The following QKI variants were observed in gnomAD, a reference collection of about 807,000 sequenced individuals.
QKI encodes QKI, KH domain containing RNA binding.
In QKI, 10 loss-of-function variants were observed where a neutral mutation model predicts 39.0. That is an observed-to-expected ratio of 0.26 (90% CI 0.16 to 0.43). The LOEUF (loss-of-function observed/expected upper bound fraction) is 0.43, where lower values mean the gene tolerates loss of function less well. Ranked by LOEUF, QKI falls within the 20% of genes least tolerant of loss-of-function variation. The pLI is 1.00. For missense variants in QKI, 218 were observed against 428.0 expected (o/e 0.51, Z 4.33); for synonymous variants, 204 against 155.4 (o/e 1.31, Z -2.33).
intron 3 of QKI, among the ~76,000 whole-genome samples, chr6:163,532,470 A>G (rs754209197): frequency 1.4e-4 from 21 of 152,274 alleles, no homozygotes; most frequent in Non-Finnish European, 2.6e-4. Context: ...TTATATTCCT[A>G]TAAATATCTT....
chr6:163,488,893 C>T (rs1777858186), intron 3 of QKI, among the ~76,000 whole-genome samples: 2 of 151,842 alleles, frequency 1.3e-5, no homozygotes, highest in Middle Eastern at 6.8e-3. Context: ...GCTTTCATCT[C>T]AGGCCCATTT....
At chr6:163,537,334 A>G (rs187873760) in intron 4 of QKI, among the ~76,000 whole-genome samples, 1 of 152,354 alleles carries the variant, frequency 6.6e-6, no homozygotes, top group East Asian at 1.9e-4. Flanking sequence ...TTTCTATACA[A>G]ATGCTGATGA....
chr6:163,450,794 T>A (rs1379143341), intron 1 of QKI, among the ~76,000 whole-genome samples: 1 of 152,116 alleles, frequency 6.6e-6, no homozygotes, highest in Non-Finnish European at 1.5e-5. Context: ...CTAAATGCTG[T>A]AAAGGCAAAT....
chr6:163,538,968 C>T (rs1041291372), intron 4 of QKI, among the ~76,000 whole-genome samples: 1 of 152,090 alleles, frequency 6.6e-6, no homozygotes, highest in Non-Finnish European at 1.5e-5. Context: ...GTTGAATGGG[C>T]ATTTGGTTAT....
At chr6:163,564,840 T>C (rs1257869226) in intron 6 of QKI, 6 of 1,542,304 alleles carry the variant, frequency 3.9e-6, no homozygotes, top group Non-Finnish European at 5.2e-6. Flanking sequence ...GAATTGTATA[T>C]GACCTTGGTG....
In QKI at chr6:163,571,316, A is replaced by AAG. The variant is rs1783687098; in HGVS notation, c.*608_*609dup. 3.9e-5 allele frequency: 6 copies of AAG among 152,202 alleles called. No homozygotes were observed. The South Asian group carries it at 1.2e-3, about 32-fold the overall frequency. 9.4% of individuals were successfully genotyped at this position (152,202 alleles called of 1,614,324 possible). A position where few individuals can be genotyped will look rare whatever the true frequency, so the allele number is the denominator to read the frequency against. The stretch of plus-strand genomic sequence containing the variant: ...TGCCTGCCAAAATTTGAAGTATTAG[A>AAG]AGAAAGTGTGCCATGAGAGAAAAAC... On this transcript the variant is annotated 3_prime_UTR_variant, in exon 8 of 8. Coordinates refer to ENST00000361752, the MANE Select transcript of QKI (RefSeq NM_006775.3).
rs532354513 is a variant in QKI, at chr6:163,482,806, G to GT, written c.402+3917dup. 2.4e-3 allele frequency among the ~76,000 whole-genome samples: 368 copies of GT among 152,256 alleles called. 7 individuals carry two copies. The highest frequency in any genetic ancestry group is 9.0e-4 in the Non-Finnish European group (61 of 68,018). On this transcript the variant is annotated intron_variant, in intron 3 of 7. Transcript: ENST00000361752. The stretch of plus-strand genomic sequence containing the variant: ...GAATCTCTCCAAACCCCGTCCTTCT[G>GT]TTTTTTTGTGGAGGTTTCATTATGT...
At chr6:163,423,604 AAACC>A (rs1387582377) in intron 1 of QKI, 1 of 152,230 alleles carries the variant, frequency 6.6e-6, no homozygotes, top group African/African-American at 2.4e-5. Context: ...TAAAGAAGAC[AAACC>A]AAATGATTTT....
intron 3 of QKI, 59 bp downstream of exon 3, chr6:163,478,955 G>T: frequency 2.2e-6 from 3 of 1,344,776 alleles, no homozygotes; most frequent in South Asian, 1.3e-5. Context: ...CTTTTACATC[G>T]TAATAATAAA....
chr6:163,497,201 A>ACCTT (rs1778462937), intron 3 of QKI, among the ~76,000 whole-genome samples: 1 of 152,012 alleles, frequency 6.6e-6, no homozygotes, highest in Non-Finnish European at 1.5e-5. Flanking sequence ...TAAGGCCTTT[A>ACCTT]CCTTGTTCAG....
In QKI at chr6:163,571,709, T is replaced by G. The variant is rs1321502551; in HGVS notation, c.*999T>G. 1.0e-5 allele frequency: 1 copy of G among 95,898 alleles called. No individual in the cohort carries two copies. Among genetic ancestry groups the G allele is most frequent in the Admixed American group, 1.2e-4 (1 of 8,482 alleles). The allele number at this position is 95,898 out of a possible 1,614,324, so 5.9% of individuals were successfully genotyped here. The stretch of plus-strand genomic sequence containing the variant: ...TTTGGAAATGTAGCATTTTATACTT[T>G]CAAGTGTTATAAAAAAAAAGAAAAA... On this transcript the variant is annotated 3_prime_UTR_variant, in exon 8 of 8. Transcript: ENST00000361752.
intron 1 of QKI, among the ~76,000 whole-genome samples, chr6:163,418,341 T>G (rs1475302763): frequency 6.6e-6 from 1 of 151,474 alleles, no homozygotes; most frequent in African/African-American, 2.5e-5. Flanking sequence ...AGTTACAAAT[T>G]TGAGGATTAA....
intron 1 of QKI, among the ~76,000 whole-genome samples, chr6:163,446,555 C>G (rs1214720723): frequency 6.6e-6 from 1 of 152,170 alleles, no homozygotes; most frequent in African/African-American, 2.4e-5. Context: ...ATTTACATTT[C>G]AGTACAGTGA....
intron 6 of QKI, 39 bp from the exon 7 acceptor site, chr6:163,566,682 T>G: frequency 1.9e-6 from 3 of 1,609,636 alleles, no homozygotes; most frequent in Non-Finnish European, 2.5e-6. Context: ...CCCTTGTGAA[T>G]GTTTTCTAAC....
Position 163,444,806 on chromosome 6 carries a change from G to C in QKI, c.143-10473G>C, listed in dbSNP as rs145691496. ...CATTTTGAGTGATTTTTTTCCCTCA[G>C]TTTTCTTTATCTTTTTTCACAGCTT... On this transcript the variant is annotated intron_variant, in intron 1 of 7. Coordinates refer to ENST00000361752, the MANE Select transcript of QKI (RefSeq NM_006775.3). Among the ~76,000 whole-genome samples the C allele has an allele frequency of 1.4e-3, 215 of 152,054 alleles. 1 individual carries two copies. The highest frequency in any genetic ancestry group is 5.0e-3 in the African/African-American group (209 of 41,492).
chr6:163,480,266 T>G (rs1476021008), intron 3 of QKI, among the ~76,000 whole-genome samples: 1 of 152,112 alleles, frequency 6.6e-6, no homozygotes, highest in Non-Finnish European at 1.5e-5. Flanking sequence ...TCTTTCTCTC[T>G]CTCTCTCTCT....
intron 1 of QKI, among the ~76,000 whole-genome samples, chr6:163,426,243 C>G (rs1485827064): frequency 1.4e-5 from 2 of 138,016 alleles, no homozygotes; most frequent in Admixed American, 7.3e-5. Context: ...AGAACCATCT[C>G]TTTTTTTTTT....
intron 2 of QKI, among the ~76,000 whole-genome samples, chr6:163,468,201 A>T (rs1052515005): frequency 1.3e-5 from 2 of 152,150 alleles, no homozygotes; most frequent in Non-Finnish European, 2.9e-5. Flanking sequence ...TATGTGATAT[A>T]ATGAAAGATT....
chr6:163,444,016 G>A (rs1242980553), intron 1 of QKI, among the ~76,000 whole-genome samples: 12 of 152,316 alleles, frequency 7.9e-5, no homozygotes, highest in East Asian at 1.9e-4. Context: ...AAGAGCAAGT[G>A]TAGAGGAATC....
Sources: allele counts gnomAD v4.1 joint callset (sites outside exome capture counted in the v4.1 genomes callset), GRCh38; gene constraint gnomAD v4.1.1; transcripts MANE v1.5; gene names NCBI Gene and HGNC (gene_info 2026-07-23, HGNC 2026-07-21).